The following SYT2 variants were observed in gnomAD, a reference collection of about 807,000 sequenced individuals.
SYT2 encodes synaptotagmin 2, also known as synaptotagmin-2.
A neutral mutation model predicts 39.9 loss-of-function variants in SYT2; 15 were observed. That is an observed-to-expected ratio of 0.38 (90% CI 0.25 to 0.58). The LOEUF is 0.58. Among genes scored for constraint, SYT2 ranks in the 20% least tolerant of loss-of-function variants. The pLI, the probability that SYT2 is intolerant of heterozygous loss-of-function variation, is 0.70. For missense variants in SYT2, 389 were observed against 530.3 expected, an observed-to-expected ratio of 0.73 and a Z score of 2.62; for synonymous variants, 181 against 204.5, an observed-to-expected ratio of 0.89 and a Z score of 0.98.
chr1:202,626,736 C>T (rs968488508), intron 1 of SYT2, among the ~76,000 whole-genome samples: 2 of 152,052 alleles, frequency 1.3e-5, no homozygotes, highest in Admixed American at 6.6e-5. Flanking sequence ...TGAAGGCAAG[C>T]GGCAGAAAGG....
At chr1:202,687,680 A>AG (rs1230143872) in intron 1 of SYT2, among the ~76,000 whole-genome samples, 3 of 151,724 alleles carry the variant, frequency 2.0e-5, no homozygotes, top group Non-Finnish European at 4.4e-5. Flanking sequence ...AAAAAAAAAA[A>AG]AAAAGAAAAG....
intron 1 of SYT2, among the ~76,000 whole-genome samples, chr1:202,669,586 G>T (rs994022944): frequency 6.6e-6 from 1 of 151,106 alleles, no homozygotes; most frequent in East Asian, 1.9e-4. Context: ...GTGCAAGACT[G>T]CATCTCAAAA....
chr1:202,672,195 T>C (rs1455388115), intron 1 of SYT2, among the ~76,000 whole-genome samples: 2 of 152,220 alleles, frequency 1.3e-5, no homozygotes, highest in Non-Finnish European at 2.9e-5. Flanking sequence ...ATATAAAGCT[T>C]ATAATTGACA....
Position 202,628,542 on chromosome 1 carries a change from G to A in SYT2, c.-17-22753C>T, listed in dbSNP as rs1170219593. ...ATCACCAACACCTATGACAGCTCAT[G>A]GTCTCCAGAAACTAAAGTGGAGCAT... On this transcript the variant is annotated intron_variant, in intron 1 of 8. Transcript: ENST00000367268. The surrounding 1 kb of genome is among the most constrained non-coding windows in gnomAD (Gnocchi z 4.2). 1.3e-5 allele frequency among the ~76,000 whole-genome samples: 2 copies of A among 152,182 alleles called. No individual in the cohort carries two copies. The highest frequency in any genetic ancestry group is 1.9e-4 in the East Asian group (1 of 5,192).
chr1:202,616,809 G>A lies in SYT2; in HGVS notation c.-17-11020C>T, dbSNP rs150647670. Among the ~76,000 whole-genome samples the A allele has an allele frequency of 2.2e-3, 334 of 152,234 alleles. 1 individual carries two copies. The highest frequency in any genetic ancestry group is 0.014 in the Middle Eastern group (4 of 294). On this transcript the variant is annotated intron_variant, in intron 1 of 8. Coordinates refer to ENST00000367268, the MANE Select transcript of SYT2 (RefSeq NM_177402.5). The stretch of plus-strand genomic sequence containing the variant: ...CTTCTCAGCCATGGTGTCTCCCTGC[G>A]TGGTTCCTTCTGCACCCAGGCATCA...
intron 1 of SYT2, among the ~76,000 whole-genome samples, chr1:202,636,086 G>A (rs1691733409): frequency 6.6e-6 from 1 of 152,148 alleles, no homozygotes; most frequent in Non-Finnish European, 1.5e-5. Context: ...GGGGCTCATG[G>A]CCAGGGTGTC....
intron 1 of SYT2, chr1:202,636,481 G>A (rs1691742416): frequency 3.7e-6 from 3 of 821,780 alleles, no homozygotes; most frequent in South Asian, 1.1e-4. Context: ...GGAGAAGTGA[G>A]AAAGACAGGC....
intron 1 of SYT2, among the ~76,000 whole-genome samples, chr1:202,695,460 C>T (rs1450547802): frequency 2.0e-5 from 3 of 152,292 alleles, no homozygotes; most frequent in East Asian, 1.9e-4. Context: ...CCAAACCCAG[C>T]CTCCCCGGCT....
intron 1 of SYT2, among the ~76,000 whole-genome samples, chr1:202,657,888 G>C (rs1376681509): frequency 6.6e-6 from 1 of 152,116 alleles, no homozygotes; most frequent in African/African-American, 2.4e-5. Flanking sequence ...TCTCCTCTTT[G>C]ACTGCCTTGA....
rs569920144 is a variant in SYT2 at position 202,647,201 on chromosome 1, A to G, written c.-17-41412T>C. On this transcript the variant is annotated intron_variant, in intron 1 of 8. Coordinates refer to ENST00000367268, the MANE Select transcript of SYT2 (RefSeq NM_177402.5). ...GGCCCCTTACCTCCCTTCCAATGAGATGGCAACTCCTAAGTCCCTCCTCTA... is the reference window on the plus strand; with the variant it reads ...GGCCCCTTACCTCCCTTCCAATGAGGTGGCAACTCCTAAGTCCCTCCTCTA... Among the ~76,000 whole-genome samples the G allele has an allele frequency of 6.6e-5, 10 of 152,274 alleles. No individual in the cohort carries two copies. In the East Asian group the frequency reaches 1.9e-3, roughly 29 times the overall value.
Position 202,596,604 on chromosome 1 carries a change from G to T in SYT2, c.*153C>A. The T allele has an allele frequency of 2.8e-6, 2 of 725,810 alleles. No homozygotes were observed. The highest frequency in any genetic ancestry group is 4.4e-6 in the Non-Finnish European group (2 of 457,630). The allele number at this position is 725,810 out of a possible 1,614,324, so 45.0% of individuals were successfully genotyped here. The stretch of plus-strand genomic sequence containing the variant: ...TCACACAGCCATCAAAGGGAAGTTG[G>T]TCTTTAAAAAGAGAAAAACAAGGAA... On this transcript the variant is annotated 3_prime_UTR_variant, in exon 9 of 9. Coordinates refer to ENST00000367268, the MANE Select transcript of SYT2 (RefSeq NM_177402.5).
chr1:202,692,593 G>A (rs2149117980), intron 1 of SYT2, among the ~76,000 whole-genome samples: 2 of 152,348 alleles, frequency 1.3e-5, no homozygotes, highest in Non-Finnish European at 2.9e-5. Flanking sequence ...GGCAATCATG[G>A]ACACTCAGGC....
At chr1:202,701,736 C>G (rs921606505) in intron 1 of SYT2, among the ~76,000 whole-genome samples, 1 of 152,166 alleles carries the variant, frequency 6.6e-6, no homozygotes, top group Non-Finnish European at 1.5e-5. Flanking sequence ...ATGGAAACTG[C>G]TTTGACCTTA....
chr1:202,679,340 G>A (rs190006132), intron 1 of SYT2, among the ~76,000 whole-genome samples: 1 of 152,156 alleles, frequency 6.6e-6, no homozygotes, highest in Non-Finnish European at 1.5e-5. Context: ...CTGTTTATTG[G>A]TAATTACCCA....
rs187613230 is a variant in SYT2, at chr1:202,644,599, A to G, written c.-17-38810T>C. On this transcript the variant is annotated intron_variant, in intron 1 of 8. Transcript: ENST00000367268. The stretch of plus-strand genomic sequence containing the variant: ...CCCCTCAGCCTCTCCTTCACCCTCC[A>G]TGCAGCTGCTTTCTGTTTGCCTTCC... Among the ~76,000 whole-genome samples the G allele has an allele frequency of 3.1e-3, 475 of 151,678 alleles. 4 individuals carry two copies. Among genetic ancestry groups the G allele is most frequent in the African/African-American group, 0.011 (454 of 41,336 alleles).
chr1:202,683,316 G>A (rs1653572548), intron 1 of SYT2, among the ~76,000 whole-genome samples: 1 of 152,180 alleles, frequency 6.6e-6, no homozygotes, highest in African/African-American at 2.4e-5. Context: ...ATTAACAGTG[G>A]AATGGACAAA....
intron 1 of SYT2, among the ~76,000 whole-genome samples, chr1:202,701,150 A>G (rs929355832): frequency 1.3e-5 from 2 of 152,206 alleles, no homozygotes; most frequent in African/African-American, 4.8e-5. Context: ...CCAAAATTCT[A>G]ATTTTTGCTT....
chr1:202,706,410 G>C (rs1490331756), intron 1 of SYT2, among the ~76,000 whole-genome samples: 1 of 152,046 alleles, frequency 6.6e-6, no homozygotes, highest in African/African-American at 2.4e-5. Flanking sequence ...GGCCACCCAA[G>C]GATGAAAAGC....
chr1:202,632,296 G>A (rs1393600010), intron 1 of SYT2: 3 of 174,156 alleles, frequency 1.7e-5, no homozygotes, highest in Non-Finnish European at 3.4e-5. Context: ...GCTCTCTGAG[G>A]CTCATTAGAG....
Sources: gnomAD v4.1 joint callset for allele counts (sites outside exome capture counted in the v4.1 genomes callset) on GRCh38, gnomAD v4.1.1 for gene constraint, Gnocchi (gnomAD v3.1) non-coding constraint, MANE v1.5 for transcripts, NCBI Gene and HGNC (gene_info 2026-07-23, HGNC 2026-07-21) for gene names.